The following DACH2 variants were observed in gnomAD, a reference collection of about 807,000 sequenced individuals.
The protein encoded by DACH2 is dachshund family transcription factor 2.
A neutral mutation model predicts 35.8 loss-of-function variants in DACH2; 17 were observed. That is an observed-to-expected ratio of 0.48 (90% CI 0.33 to 0.71). DACH2 has a LOEUF of 0.71. DACH2 is among the 30% of genes least tolerant of loss of function. DACH2 has a pLI of 0.02. For missense variants in DACH2, 469 were observed against 472.7 expected (o/e 0.99, Z 0.07); for synonymous variants, 195 against 177.3 (o/e 1.10, Z -0.79).
chrX:86,801,308 G>T (rs1370643282), intron 7 of DACH2, among the ~76,000 whole-genome samples: 2 of 109,705 alleles, frequency 1.8e-5, no homozygotes, highest in Non-Finnish European at 3.8e-5. Context: ...ATAGTGCATT[G>T]CAGCCTCAAA....
At chrX:86,716,498 T>A (rs1283572304) in intron 6 of DACH2, among the ~76,000 whole-genome samples, 3 of 111,518 alleles carry the variant, frequency 2.7e-5, no homozygotes. Context: ...GGGTTCAAGA[T>A]CAGCCTGAGC....
chrX:86,587,518 T>C (rs751165424), intron 3 of DACH2, among the ~76,000 whole-genome samples: 1 of 111,499 alleles, frequency 9.0e-6, no homozygotes, highest in African/African-American at 3.2e-5. Context: ...CTTCCAACTT[T>C]TGCATATTCA....
At chrX:86,264,209 G>T (rs149686252) in intron 1 of DACH2, among the ~76,000 whole-genome samples, 1 of 111,784 alleles carries the variant, frequency 8.9e-6, no homozygotes, top group Non-Finnish European at 1.9e-5. Flanking sequence ...TAGCAAATTT[G>T]TAGGAAAAAA....
At chrX:86,481,440 A>C (rs896458084) in intron 2 of DACH2, 4 of 112,013 alleles carry the variant, frequency 3.6e-5, no homozygotes, top group African/African-American at 1.3e-4. Context: ...GCTTATAAAA[A>C]TTCCATCTTC....
At chrX:86,644,210 T>C (rs1377498646) in intron 3 of DACH2, among the ~76,000 whole-genome samples, 1 of 109,641 alleles carries the variant, frequency 9.1e-6, no homozygotes, top group African/African-American at 3.3e-5. Flanking sequence ...AGCTGACACA[T>C]AACTTCAGCA....
intron 3 of DACH2, among the ~76,000 whole-genome samples, chrX:86,630,085 G>A: frequency 9.0e-6 from 1 of 110,954 alleles, no homozygotes; most frequent in Admixed American, 9.7e-5. Flanking sequence ...TAGATTTAGT[G>A]CAGCATTTCT....
chrX:86,771,145 T>G (rs1012886442), intron 7 of DACH2, among the ~76,000 whole-genome samples: 4 of 113,135 alleles, frequency 3.5e-5, no homozygotes, highest in African/African-American at 1.3e-4. Context: ...TAGCTCTGCC[T>G]ATAAGTCAGT....
At chrX:86,573,609 C>T (rs1465579263) in intron 3 of DACH2, among the ~76,000 whole-genome samples, 1 of 111,629 alleles carries the variant, frequency 9.0e-6, no homozygotes, top group Non-Finnish European at 1.9e-5. Context: ...ATTGACCAGC[C>T]TCCACCTGTG....
intron 1 of DACH2, among the ~76,000 whole-genome samples, chrX:86,180,450 C>T (rs1311750392): frequency 9.2e-6 from 1 of 108,767 alleles, no homozygotes; most frequent in Non-Finnish European, 1.9e-5. Context: ...AACCATCTCC[C>T]GAGGCATTTG....
intron 1 of DACH2, among the ~76,000 whole-genome samples, chrX:86,366,899 A>G (rs1241901947): frequency 5.4e-5 from 6 of 110,868 alleles, no homozygotes; most frequent in Non-Finnish European, 1.1e-4. Flanking sequence ...TGATGGCACT[A>G]TGTTTCTTGT....
chrX:86,429,011 A>T (rs1183760551), intron 2 of DACH2, among the ~76,000 whole-genome samples: 1 of 111,360 alleles, frequency 9.0e-6, no homozygotes, highest in East Asian at 2.8e-4. Context: ...CCCAGCATGT[A>T]GCTATAGGCT....
rs148921067 is a variant in DACH2 at position 86,747,999 on chromosome X, C to T, written c.1240+8117C>T. On this transcript the variant is annotated intron_variant, in intron 7 of 11. Transcript: ENST00000373125. ...CAACATTTTTATCAGGAGTATATTC[C>T]GTCTCAGTAAACCATGTTCTTTGTT... 3.2e-4 allele frequency among the ~76,000 whole-genome samples: 36 copies of T among 112,007 alleles called. 1 individual carries two copies. In the East Asian group the frequency reaches 7.9e-3, roughly 25 times the overall value.
chrX:86,502,344 C>T (rs5922246), intron 2 of DACH2, among the ~76,000 whole-genome samples: 4 of 110,298 alleles, frequency 3.6e-5, no homozygotes, highest in Non-Finnish European at 5.7e-5. Context: ...GTTATCACAA[C>T]TTCTCTCATG....
intron 3 of DACH2, among the ~76,000 whole-genome samples, chrX:86,609,258 ACT>A (rs1176016916): frequency 9.0e-6 from 1 of 111,398 alleles, no homozygotes; most frequent in Admixed American, 9.6e-5. Context: ...GCTTTTAAAG[ACT>A]CTGATATATT....
At chrX:86,200,987 T>A (rs1264962769) in intron 1 of DACH2, among the ~76,000 whole-genome samples, 3 of 111,353 alleles carry the variant, frequency 2.7e-5, no homozygotes, top group Non-Finnish European at 3.8e-5. Context: ...CATGCATGCA[T>A]CTGTTCATTG....
At chrX:86,593,854 G>A (rs2039679969) in intron 3 of DACH2, among the ~76,000 whole-genome samples, 1 of 111,092 alleles carries the variant, frequency 9.0e-6, no homozygotes, top group African/African-American at 3.3e-5. Context: ...GGTATCACTG[G>A]CCTCATAGAA....
At chrX:86,314,112 C>T (rs2034851873) in intron 1 of DACH2, among the ~76,000 whole-genome samples, 1 of 109,976 alleles carries the variant, frequency 9.1e-6, no homozygotes, top group African/African-American at 3.3e-5. Flanking sequence ...CCTTGGGTCT[C>T]CCTATTCCCT....
chrX:86,733,819 C>T (rs898098383), intron 6 of DACH2, among the ~76,000 whole-genome samples: 1 of 111,184 alleles, frequency 9.0e-6, no homozygotes, highest in Non-Finnish European at 1.9e-5. Context: ...GTGGCATTAG[C>T]GTGTGAACAT....
chrX:86,626,683 C>T (rs1464168754), intron 3 of DACH2, among the ~76,000 whole-genome samples: 1 of 113,213 alleles, frequency 8.8e-6, no homozygotes, highest in Non-Finnish European at 1.9e-5. Context: ...CTTCTGGGCA[C>T]CCAGAGGCTT....
Sources: allele counts gnomAD v4.1 joint callset (sites outside exome capture counted in the v4.1 genomes callset), GRCh38; gene constraint gnomAD v4.1.1; transcripts MANE v1.5; gene names NCBI Gene and HGNC (gene_info 2026-07-23, HGNC 2026-07-21).